The following LAMA3 variants were observed in gnomAD, a reference collection of about 807,000 sequenced individuals.
LAMA3 encodes laminin subunit alpha 3.
LAMA3 carries 281 observed loss-of-function variants against 402.0 expected under a neutral mutation model. That is an observed-to-expected ratio of 0.70 (90% CI 0.63 to 0.77). The LOEUF (loss-of-function observed/expected upper bound fraction) is 0.77. LAMA3 is among the 30% of genes least tolerant of loss of function. LAMA3 has a pLI of 0.00. For missense variants in LAMA3, 3,840 were observed against 4,215.5 expected, an observed-to-expected ratio of 0.91 and a Z score of 2.47; for synonymous variants, 1,431 against 1,558.4, an observed-to-expected ratio of 0.92 and a Z score of 1.93.
At chr18:23,742,703 T>TG (rs1372414636) in intron 2 of LAMA3, among the ~76,000 whole-genome samples, 1 of 151,978 alleles carries the variant, frequency 6.6e-6, no homozygotes, top group East Asian at 1.9e-4. Context: ...TATGGTATAT[T>TG]GTTAATAGTT....
At chr18:23,772,356 C>T (rs1032789390) in intron 8 of LAMA3, among the ~76,000 whole-genome samples, 3 of 152,070 alleles carry the variant, frequency 2.0e-5, no homozygotes, top group Admixed American at 2.0e-4. Context: ...AAGTCTTAAA[C>T]TCACTCCCTA....
At chr18:23,813,744 G>A (rs1369810319) in intron 14 of LAMA3, among the ~76,000 whole-genome samples, 1 of 151,888 alleles carries the variant, frequency 6.6e-6, no homozygotes, top group African/African-American at 2.4e-5. Context: ...GTTTCACCAT[G>A]TTGGCTAGGC....
At chr18:23,873,291 T>C in intron 38 of LAMA3, 1 of 1,294,562 alleles carries the variant, frequency 7.7e-7, no homozygotes, top group Non-Finnish European at 1.1e-6. Context: ...ACAGTTACGG[T>C]GATTAATGAG....
Position 23,815,061 on chromosome 18 carries a change from C to T in LAMA3, c.1889-127C>T. 3 of 812,124 alleles carry T rather than the reference C, an allele frequency of 3.7e-6. No individual in the cohort carries two copies. The African/African-American group carries it at 5.1e-5, about 14-fold the overall frequency. The allele number at this position is 812,124 out of a possible 1,614,324, so 50.3% of individuals were successfully genotyped here. ...ATTTTAGGCCTCAGCGATGCAAACT[C>T]TCATTCTGTTGAACTGCGCTGGCAA... On this transcript the variant is annotated intron_variant, in intron 15 of 74. Coordinates refer to ENST00000313654, the MANE Select transcript of LAMA3 (RefSeq NM_198129.4).
intron 12 of LAMA3, among the ~76,000 whole-genome samples, chr18:23,787,253 G>C (rs2062563239): frequency 6.6e-6 from 1 of 152,180 alleles, no homozygotes; most frequent in Non-Finnish European, 1.5e-5. Context: ...TTGCCCTCCA[G>C]CCTGGGTGAC....
At chr18:23,751,129 AT>A in intron 5 of LAMA3, 41 bp downstream of exon 5, 1 of 1,608,626 alleles carries the variant, frequency 6.2e-7, no homozygotes, top group Non-Finnish European at 8.5e-7. Context: ...TTATTTATTC[AT>A]TTTTTTGGCT....
Position 23,882,061 on chromosome 18 carries a change from G to A in LAMA3, c.5222+16G>A, listed in dbSNP as rs1176331165. The stretch of plus-strand genomic sequence containing the variant: ...ACACTAACAGGTACCGTAGCAGCTT[G>A]ACATAACCTACAGGGACCCAAAGTC... On this transcript the variant is annotated intron_variant, in intron 40 of 74. Transcript: ENST00000313654. 1.9e-6 allele frequency: 3 copies of A among 1,581,796 alleles called. No homozygotes were observed. Among genetic ancestry groups the A allele is most frequent in the Non-Finnish European group, 2.6e-6 (3 of 1,151,094 alleles).
At chr18:23,837,264 C>A in intron 25 of LAMA3, 175 bp downstream of exon 25, 1 of 621,844 alleles carries the variant, frequency 1.6e-6, no homozygotes. Flanking sequence ...TTTGTTTGAG[C>A]ATTTTTTGAT....
At chr18:23,931,602 A>C in intron 65 of LAMA3, 1 of 207,388 alleles carries the variant, frequency 4.8e-6, no homozygotes, top group Non-Finnish European at 9.8e-6. Flanking sequence ...AATGAGAAAG[A>C]AGGATCTAGA....
chr18:23,708,380 C>T (rs111557485), intron 1 of LAMA3, among the ~76,000 whole-genome samples: 90 of 152,316 alleles, frequency 5.9e-4, no homozygotes, highest in African/African-American at 2.0e-3. Context: ...AATTATCTTA[C>T]TGTACTTTAA....
At chr18:23,858,018 A>T (rs1307844783) in intron 33 of LAMA3, 30 bp downstream of exon 33, 14 of 1,614,036 alleles carry the variant, frequency 8.7e-6, no homozygotes, top group Non-Finnish European at 1.2e-5. Context: ...GCCAGACAAC[A>T]GCTGCCGGTC....
chr18:23,863,186 G>A (rs1259265894), intron 35 of LAMA3, among the ~76,000 whole-genome samples: 1 of 152,262 alleles, frequency 6.6e-6, no homozygotes, highest in African/African-American at 2.4e-5. Flanking sequence ...GCTCACGCCT[G>A]TAATCCCAGC....
chr18:23,899,083 G>A lies in LAMA3; in HGVS notation c.5836+18G>A. Reference sequence around the variant, plus strand: ...TGTGCACAGTAAGAAGAGTTATTAAGCCCAATTACATTTTTTTTGGTTACA... The same window carrying A: ...TGTGCACAGTAAGAAGAGTTATTAAACCCAATTACATTTTTTTTGGTTACA... On this transcript the variant is annotated intron_variant, in intron 46 of 74. Transcript: ENST00000313654. The A allele has an allele frequency of 1.9e-6, 3 of 1,587,384 alleles. No homozygotes were observed. The highest frequency in any genetic ancestry group is 1.7e-6 in the Non-Finnish European group (2 of 1,156,450).
At position 23,819,659 on chromosome 18, in the gene LAMA3, A is replaced by G. The variant is rs575255055; in HGVS notation, c.2148-182A>G. 2.2e-4 allele frequency among the ~76,000 whole-genome samples: 34 copies of G among 152,292 alleles called. 2 individuals carry two copies. In the South Asian group the frequency reaches 6.2e-3, roughly 28 times the overall value. ...TAGGCGTTGAGTGTGTTTTATGTGA[A>G]TGTTTATGTGAATTAAAGCAATAAT... On this transcript the variant is annotated intron_variant, in intron 18 of 74. Transcript: ENST00000313654.
chr18:23,953,940 A>C (rs2083019432), intron 74 of LAMA3, among the ~76,000 whole-genome samples: 1 of 152,178 alleles, frequency 6.6e-6, no homozygotes, highest in Non-Finnish European at 1.5e-5. Context: ...CATTACCCAT[A>C]AAAAGTACCA....
intron 25 of LAMA3, among the ~76,000 whole-genome samples, chr18:23,838,391 C>T (rs1194907684): frequency 2.6e-5 from 4 of 152,118 alleles, no homozygotes; most frequent in Non-Finnish European, 5.9e-5. Flanking sequence ...GAAAAGCAGG[C>T]TCTCTGGCCC....
At chr18:23,938,807 GGCAT>G (rs2082392430) in intron 67 of LAMA3, among the ~76,000 whole-genome samples, 1 of 56,030 alleles carries the variant, frequency 1.8e-5, no homozygotes, top group Admixed American at 2.4e-4. Context: ...GAGAATAACA[GGCAT>G]GCTCCCCAAA....
Position 23,837,081 on chromosome 18 carries a change from TTCCTTCTG to T in LAMA3, c.3086_3093del (p.Phe1029SerfsTer9). Reference sequence around the variant, plus strand: ...TCAGCTCAAGGGACACATGGCCCGATTCCTTCTGGTATGCTTCTGTTTTGCCCATTGAA... The same window carrying T: ...TCAGCTCAAGGGACACATGGCCCGATGTATGCTTCTGTTTTGCCCATTGAA... On this transcript the variant is annotated frameshift_variant and splice_region_variant, in exon 25 of 75. Transcript: ENST00000313654. LOFTEE classifies it high-confidence loss of function. 1 of 1,604,176 alleles carries T rather than the reference TTCCTTCTG, an allele frequency of 6.2e-7. No homozygotes were observed. Among genetic ancestry groups the T allele is most frequent in the Non-Finnish European group, 8.5e-7 (1 of 1,171,078 alleles).
rs10569981 is a variant in LAMA3 at position 23,836,106 on chromosome 18, TACACACACAC to T, written c.2985-848_2985-839del. On this transcript the variant is annotated intron_variant, in intron 24 of 74. Transcript: ENST00000313654. Reference sequence around the variant, plus strand: ...ATCCAAAAGAATGTGTTTTAATGGATACACACACACACACACACACACACACACACACACA... The same window carrying T: ...ATCCAAAAGAATGTGTTTTAATGGATACACACACACACACACACACACACA... Among the ~76,000 whole-genome samples the T allele has an allele frequency of 8.7e-3, 1,294 of 148,138 alleles. 18 individuals carry two copies. The highest frequency in any genetic ancestry group is 0.018 in the South Asian group (85 of 4,636).
Sources: gnomAD v4.1 joint callset for allele counts (sites outside exome capture counted in the v4.1 genomes callset) on GRCh38, gnomAD v4.1.1 for gene constraint, MANE v1.5 for transcripts, NCBI Gene and HGNC (gene_info 2026-07-23, HGNC 2026-07-21) for gene names.